TMTC3: variants seen among roughly 807,000 people sequenced by gnomAD.
TMTC3 encodes the protein transmembrane O-mannosyltransferase targeting cadherins 3, also known as protein O-mannosyl-transferase TMTC3.
Under a neutral mutation model 92.2 loss-of-function variants are expected in TMTC3, and 52 were observed. The observed-to-expected ratio is 0.56, with a 90% CI of 0.45 to 0.71. The LOEUF (loss-of-function observed/expected upper bound fraction) is 0.71, where lower values mean the gene tolerates loss of function less well. TMTC3 is among the 30% of genes least tolerant of loss of function. TMTC3 has a pLI of 0.00. For missense variants in TMTC3, 896 were observed against 1,057.1 expected (o/e 0.85, Z 2.11); for synonymous variants, 339 against 363.3 (o/e 0.93, Z 0.76).
At chr12:88,145,953 C>T (rs2040868336) in intron 1 of TMTC3, among the ~76,000 whole-genome samples, 1 of 152,158 alleles carries the variant, frequency 6.6e-6, no homozygotes, top group Admixed American at 6.5e-5. Context: ...TAGTAACACC[C>T]CATTTTTGTA....
In TMTC3 at chr12:88,198,445, T is replaced by G. The variant is rs2041540819; in HGVS notation, c.*2796T>G. The G allele has an allele frequency of 2.5e-6, 1 of 398,138 alleles. No individual in the cohort carries two copies. Among genetic ancestry groups the G allele is most frequent in the South Asian group, 1.3e-4 (1 of 7,862 alleles). The allele number at this position is 398,138 out of a possible 1,614,324, so 24.7% of individuals were successfully genotyped here. A position where few individuals can be genotyped will look rare whatever the true frequency, so the allele number is the denominator to read the frequency against. On this transcript the variant is annotated 3_prime_UTR_variant, in exon 14 of 14. Transcript: ENST00000266712. ...TCCCCAAGGGGCAGTGTTACCTTAC[T>G]CCTTCACTGCTTCTTAGAAGGTAGA...
At chr12:88,193,939 C>A (rs1216571432) in intron 13 of TMTC3, among the ~76,000 whole-genome samples, 1 of 151,484 alleles carries the variant, frequency 6.6e-6, no homozygotes, top group African/African-American at 2.4e-5. Flanking sequence ...AGATTTGTTT[C>A]CTGCCAGGCA....
chr12:88,193,127 C>T (rs1285928834), intron 13 of TMTC3, among the ~76,000 whole-genome samples: 1 of 152,026 alleles, frequency 6.6e-6, no homozygotes, highest in African/African-American at 2.4e-5. Context: ...TATACATAAA[C>T]ATAATGTAAC....
chr12:88,142,688 G>A (rs1445840961), intron 1 of TMTC3, among the ~76,000 whole-genome samples: 10 of 152,218 alleles, frequency 6.6e-5, no homozygotes, highest in Non-Finnish European at 1.5e-4. Flanking sequence ...TTTTAGCCTT[G>A]TTTAGTATCA....
intron 5 of TMTC3, 76 bp downstream of exon 5, chr12:88,160,305 T>G: frequency 1.2e-6 from 1 of 828,012 alleles, no homozygotes; most frequent in Non-Finnish European, 1.7e-6. Context: ...TATTTATTTT[T>G]ATTTTCTAAA....
intron 7 of TMTC3, among the ~76,000 whole-genome samples, chr12:88,172,254 G>T (rs749664200): frequency 4.6e-5 from 7 of 151,948 alleles, no homozygotes; most frequent in Non-Finnish European, 8.8e-5. Flanking sequence ...TTAAAATGCT[G>T]TAATGGTTTA....
intron 7 of TMTC3, among the ~76,000 whole-genome samples, chr12:88,169,860 G>A (rs1180747902): frequency 6.6e-6 from 1 of 150,930 alleles, no homozygotes; most frequent in Non-Finnish European, 1.5e-5. Context: ...GATTGCTTGA[G>A]CCCAAGAGTT....
In TMTC3 at chr12:88,151,038, T is replaced by G. The variant is rs370022069; in HGVS notation, c.190-2253T>G. Among the ~76,000 whole-genome samples, 5 of 152,192 alleles carry G rather than the reference T, an allele frequency of 3.3e-5. No homozygotes were observed. In the East Asian group the frequency reaches 7.7e-4, roughly 24 times the overall value. On this transcript the variant is annotated intron_variant, in intron 2 of 13. Coordinates refer to ENST00000266712, the MANE Select transcript of TMTC3 (RefSeq NM_181783.4). ...CGTATTAGAATTTGCCTGGGGCATT[T>G]AAAAGAATGAAAACATATTACCAAG...
chr12:88,168,162 G>A (rs1336187106), intron 7 of TMTC3, among the ~76,000 whole-genome samples: 1 of 152,188 alleles, frequency 6.6e-6, no homozygotes, highest in Non-Finnish European at 1.5e-5. Context: ...GAGAAAAGTA[G>A]GAAAGTGTAT....
intron 2 of TMTC3, among the ~76,000 whole-genome samples, chr12:88,149,155 C>A (rs958212622): frequency 2.0e-5 from 3 of 152,064 alleles, no homozygotes; most frequent in Non-Finnish European, 4.4e-5. Context: ...CTATCTCTTA[C>A]ATAATAGTTA....
At chr12:88,145,723 A>G (rs1037071973) in intron 1 of TMTC3, among the ~76,000 whole-genome samples, 4 of 152,194 alleles carry the variant, frequency 2.6e-5, no homozygotes, top group African/African-American at 9.6e-5. Context: ...TGGGGTGGTA[A>G]ATCAGCACTT....
In TMTC3 at chr12:88,153,372, T is replaced by A. The variant is rs2040966601; in HGVS notation, c.271T>A (p.Ser91Thr). The A allele has an allele frequency of 6.2e-7, 1 of 1,613,414 alleles. No individual in the cohort carries two copies. Among genetic ancestry groups the A allele is most frequent in the Non-Finnish European group, 8.5e-7 (1 of 1,179,598 alleles). ...TTTGTTAAGTGAACTAAAACCAATG[T>A]CATATCATCTCCTGAATATGATTTT... ...NYLLSELKPM[S>T]YHLLNMIFHA... The change falls in exon 3 of 14, where the codon TCA becomes ACA. Residue 91 changes from serine to threonine, a missense_variant. Ser to Thr is a moderately conservative substitution (Grantham distance 58). Transcript: ENST00000266712.
At chr12:88,169,280 A>G (rs941825609) in intron 7 of TMTC3, among the ~76,000 whole-genome samples, 1 of 152,174 alleles carries the variant, frequency 6.6e-6, no homozygotes, top group African/African-American at 2.4e-5. Flanking sequence ...CACTCTGGTA[A>G]ATACAGACAA....
chr12:88,187,516 C>T (rs952238992), intron 10 of TMTC3, among the ~76,000 whole-genome samples: 1 of 152,022 alleles, frequency 6.6e-6, no homozygotes, highest in Non-Finnish European at 1.5e-5. Flanking sequence ...CTAGCTTAAA[C>T]GTTTTTTTTG....
Position 88,197,126 on chromosome 12 carries a change from A to G in TMTC3, c.*1477A>G, listed in dbSNP as rs2041522561. 6.6e-6 allele frequency: 1 copy of G among 152,122 alleles called. No homozygotes were observed. Among genetic ancestry groups the G allele is most frequent in the Admixed American group, 6.6e-5 (1 of 15,186 alleles). 9.4% of individuals were successfully genotyped at this position (152,122 alleles called of 1,614,324 possible). A position where few individuals can be genotyped will look rare whatever the true frequency, so the allele number is the denominator to read the frequency against. Reference sequence around the variant, plus strand: ...ATTTTTTAGTTCCTTTGAGATAACTAATTTCTAATTATATATGTTTCAAAA... The same window carrying G: ...ATTTTTTAGTTCCTTTGAGATAACTGATTTCTAATTATATATGTTTCAAAA... On this transcript the variant is annotated 3_prime_UTR_variant, in exon 14 of 14. Transcript: ENST00000266712.
intron 7 of TMTC3, among the ~76,000 whole-genome samples, chr12:88,167,352 T>A (rs2041156402): frequency 6.6e-6 from 1 of 152,114 alleles, no homozygotes; most frequent in African/African-American, 2.4e-5. Context: ...TGCAGTGAGC[T>A]GAGATTGCGC....
At chr12:88,191,724 G>C (rs886211909) in intron 12 of TMTC3, among the ~76,000 whole-genome samples, 3 of 151,764 alleles carry the variant, frequency 2.0e-5, no homozygotes, top group African/African-American at 7.3e-5. Flanking sequence ...TTGTTTGTTT[G>C]TTTGTGACAG....
intron 6 of TMTC3, among the ~76,000 whole-genome samples, chr12:88,166,057 G>A (rs1392524035): frequency 1.3e-5 from 2 of 152,122 alleles, no homozygotes; most frequent in African/African-American, 4.8e-5. Context: ...ATTATAGGAT[G>A]CATGTCTGAA....
At chr12:88,155,988 C>G (rs914027848) in intron 4 of TMTC3, among the ~76,000 whole-genome samples, 3 of 151,944 alleles carry the variant, frequency 2.0e-5, no homozygotes, top group Non-Finnish European at 4.4e-5. Context: ...CAGGCACCTG[C>G]AGTCCCACCT....
Sources: gnomAD v4.1 joint callset for allele counts (sites outside exome capture counted in the v4.1 genomes callset) on GRCh38, gnomAD v4.1.1 for gene constraint, MANE v1.5 for transcripts, NCBI Gene and HGNC (gene_info 2026-07-23, HGNC 2026-07-21) for gene names.